The following LRP2 variants were observed in gnomAD, a reference collection of about 807,000 sequenced individuals.
LRP2 encodes the protein low-density lipoprotein receptor-related protein 2.
In LRP2, 172 loss-of-function variants were observed where a neutral mutation model predicts 531.0. The observed-to-expected ratio is 0.32, with a 90% confidence interval of 0.29 to 0.37. The LOEUF (loss-of-function observed/expected upper bound fraction) is 0.37. LRP2 is among the 10% of genes least tolerant of loss of function. LRP2 has a pLI of 1.00. For synonymous variants in LRP2, 1,992 were observed against 2,027.6 expected (o/e 0.98, Z 0.47); for missense variants, 5,167 against 5,868.3 (o/e 0.88, Z 3.90).
chr2:169,277,645 A>G (rs1683590548), intron 13 of LRP2, 100 bp downstream of exon 13: 1 of 1,065,672 alleles, frequency 9.4e-7, no homozygotes. Flanking sequence ...CCACCAACAA[A>G]GCAATATTTT....
chr2:169,232,440 C>T (rs1386964839), intron 30 of LRP2, among the ~76,000 whole-genome samples: 3 of 119,704 alleles, frequency 2.5e-5, no homozygotes, highest in Non-Finnish European at 1.8e-5. Flanking sequence ...CATTCATTCA[C>T]CAGAAAAATG....
intron 31 of LRP2, among the ~76,000 whole-genome samples, chr2:169,229,848 C>T (rs1189743402): frequency 2.0e-5 from 3 of 152,154 alleles, no homozygotes; most frequent in African/African-American, 7.2e-5. Flanking sequence ...TATATTCCAG[C>T]CTCTTAGTAA....
chr2:169,157,957 T>TAAA (rs60891675), intron 63 of LRP2, among the ~76,000 whole-genome samples: 1 of 145,974 alleles, frequency 6.9e-6, no homozygotes, highest in African/African-American at 2.5e-5. Flanking sequence ...AATAAATAAA[T>TAAA]AAAAGACATG....
At chr2:169,325,399 C>T (rs1375623371) in intron 1 of LRP2, among the ~76,000 whole-genome samples, 2 of 152,192 alleles carry the variant, frequency 1.3e-5, no homozygotes, top group Admixed American at 1.3e-4. Flanking sequence ...ATTTAAGAGG[C>T]AATTCCTTAA....
chr2:169,147,266 T>C lies in LRP2; in HGVS notation c.12591-307A>G, dbSNP rs114439098. Among the ~76,000 whole-genome samples the C allele has an allele frequency of 6.1e-3, 925 of 152,358 alleles. 11 individuals carry two copies. Among genetic ancestry groups the C allele is most frequent in the African/African-American group, 0.02 (846 of 41,576 alleles). The stretch of plus-strand genomic sequence containing the variant: ...GCTGTTCACTCTTCAAGAAATATTA[T>C]TGAAGGCCTACTGTGTAAGAGGCAC... On this transcript the variant is annotated intron_variant, in intron 68 of 78. Coordinates refer to ENST00000649046, the MANE Select transcript of LRP2 (RefSeq NM_004525.3).
intron 34 of LRP2, among the ~76,000 whole-genome samples, chr2:169,217,783 C>T (rs554342398): frequency 2.0e-5 from 3 of 152,212 alleles, no homozygotes; most frequent in African/African-American, 7.2e-5. Context: ...GAATTCCTTC[C>T]CCATAACTTT....
chr2:169,279,719 T>G (rs1683650372), intron 11 of LRP2, 124 bp from the exon 12 acceptor site: 3 of 644,768 alleles, frequency 4.7e-6, no homozygotes, highest in Non-Finnish European at 8.2e-6. Context: ...TTTCAGAAAT[T>G]TCATGCAAGT....
chr2:169,186,730 C>T (rs772630414), intron 49 of LRP2, among the ~76,000 whole-genome samples: 1 of 152,192 alleles, frequency 6.6e-6, no homozygotes, highest in African/African-American at 2.4e-5. Flanking sequence ...CAGAAGATCA[C>T]TAGTACTCCT....
chr2:169,255,326 C>G (rs2105404140), intron 19 of LRP2, among the ~76,000 whole-genome samples: 1 of 152,274 alleles, frequency 6.6e-6, no homozygotes, highest in East Asian at 1.9e-4. Flanking sequence ...GTTTTCAAGA[C>G]TAAGCAAACC....
At chr2:169,306,185 A>G (rs181050423) in intron 4 of LRP2, among the ~76,000 whole-genome samples, 47 of 151,980 alleles carry the variant, frequency 3.1e-4, no homozygotes, top group Admixed American at 1.4e-3. Context: ...TATATATTAA[A>G]AACTCAAGGA....
At chr2:169,328,058 G>A (rs1685155429) in intron 1 of LRP2, among the ~76,000 whole-genome samples, 1 of 142,956 alleles carries the variant, frequency 7.0e-6, no homozygotes, top group Non-Finnish European at 1.5e-5. Flanking sequence ...CCGTCCGGGA[G>A]GGAGGTGGGG....
chr2:169,300,886 C>CCCCCT (rs1200810668), intron 4 of LRP2, among the ~76,000 whole-genome samples: 3 of 152,040 alleles, frequency 2.0e-5, no homozygotes, highest in Non-Finnish European at 2.9e-5. Flanking sequence ...CCCTCACAGT[C>CCCCCT]CACAAAATGA....
rs150369800 is a variant in LRP2 at position 169,206,772 on chromosome 2, T to C, written c.6948A>G (p.Ile2316Met). The C allele has an allele frequency of 6.2e-7, 1 of 1,614,180 alleles. No individual in the cohort carries two copies. Among genetic ancestry groups the C allele is most frequent in the Non-Finnish European group, 8.5e-7 (1 of 1,180,024 alleles). Residue 2316 changes from isoleucine (I) to methionine (M), a missense_variant, in exon 39 of 79, where the codon ATA (isoleucine) becomes ATG (methionine). Ile to Met is a conservative substitution (Grantham distance 10, BLOSUM62 1). Coordinates refer to ENST00000649046, the MANE Select transcript of LRP2 (RefSeq NM_004525.3). The part of the protein sequence containing the change: ...EPENTEPPTV[I>M]RDNINWLRDV... ...CTCTTAGCCAGTTGATATTGTCTCT[T>C]ATCACTGTGGGTGGCTCTGTGTTCT...
chr2:169,279,158 G>C (rs1209707566), intron 12 of LRP2, among the ~76,000 whole-genome samples: 1 of 152,042 alleles, frequency 6.6e-6, no homozygotes, highest in African/African-American at 2.4e-5. Flanking sequence ...ACACCACTAG[G>C]TGTGTTTGGG....
intron 1 of LRP2, among the ~76,000 whole-genome samples, chr2:169,338,396 GAAAGAAAGAAAGA>G (rs1484103577): frequency 1.4e-3 from 170 of 123,214 alleles, no homozygotes; most frequent in African/African-American, 5.1e-3. Context: ...AAGAAAGAAA[GAAAGAAAGAAAGA>G]AAAGAAAAGA....
rs191217000 is a variant in LRP2, at chr2:169,314,893, C to T, written c.310+3869G>A. 7.6e-3 allele frequency among the ~76,000 whole-genome samples: 1,161 copies of T among 152,268 alleles called. 10 individuals carry two copies. Among genetic ancestry groups the T allele is most frequent in the Middle Eastern group, 0.02 (6 of 294 alleles). On this transcript the variant is annotated intron_variant, in intron 3 of 78. Coordinates refer to ENST00000649046, the MANE Select transcript of LRP2 (RefSeq NM_004525.3). ...TATTTAAGTATATATTGCCAATTTT[C>T]ACATAAAATTAAAGAACTTTCTTTT...
chr2:169,318,446 A>G (rs1488911022), intron 3 of LRP2, among the ~76,000 whole-genome samples: 1 of 152,166 alleles, frequency 6.6e-6, no homozygotes, highest in African/African-American at 2.4e-5. Context: ...TTCAGCTGTC[A>G]ACCACACACA....
rs577321501 is a variant in LRP2, at chr2:169,127,705, A to T, written c.*958T>A. On this transcript the variant is annotated 3_prime_UTR_variant, in exon 79 of 79. Transcript: ENST00000649046. The stretch of plus-strand genomic sequence containing the variant: ...TAGGAAATAAATAGTGATTATAATG[A>T]TATTTTCATAGAAACAAAAACCCAG... The T allele has an allele frequency of 6.6e-6, 1 of 152,536 alleles. No homozygotes were observed. Among genetic ancestry groups the T allele is most frequent in the Non-Finnish European group, 1.5e-5 (1 of 67,998 alleles). 9.4% of individuals were successfully genotyped at this position (152,536 alleles called of 1,614,324 possible).
Position 169,139,545 on chromosome 2 carries a change from G to A in LRP2, c.13265C>T (p.Thr4422Ile), listed in dbSNP as rs1003919258. Reference sequence around the variant, plus strand: ...TTGCTCACATTCTTAAAACTTACTTGTTCCTGGAGAGATGCCTTTTGAAAA... The same window carrying A: ...TTGCTCACATTCTTAAAACTTACTTATTCCTGGAGAGATGCCTTTTGAAAA... ...MAFSKGISPG[T>I]TAVAVLLTIL... The change falls in exon 73 of 79, where the codon ACA becomes ATA. Residue 4422 changes from threonine (T) to isoleucine (I), a missense_variant and splice_region_variant. Physicochemically the swap from Thr to Ile is moderately conservative, Grantham distance 89. This residue lies in a region of LRP2 where 348 missense variants were observed against 369.3 expected (regional missense o/e 0.94). Coordinates refer to ENST00000649046, the MANE Select transcript of LRP2 (RefSeq NM_004525.3). The A allele has an allele frequency of 3.1e-6, 5 of 1,614,034 alleles. No individual in the cohort carries two copies. The African/African-American group carries it at 6.7e-5, about 22-fold the overall frequency.
Sources: allele counts gnomAD v4.1 joint callset (sites outside exome capture counted in the v4.1 genomes callset), GRCh38; gene constraint gnomAD v4.1.1; regional missense constraint gnomAD v4.1.1; transcripts MANE v1.5; gene names NCBI Gene and HGNC (gene_info 2026-07-23, HGNC 2026-07-21).